LRRC69: variants seen among roughly 807,000 people sequenced by gnomAD.
LRRC69 encodes the protein leucine rich repeat containing 69, also known as leucine-rich repeat-containing protein 69.
In LRRC69, 42 loss-of-function variants were observed where a neutral mutation model predicts 37.8. That is an observed-to-expected ratio of 1.11 (90% CI 0.87 to 1.44). LRRC69 has a LOEUF of 1.44. Among genes scored for constraint, LRRC69 ranks in the 40% most tolerant of loss-of-function variants. LRRC69 has a pLI of 0.00. For synonymous variants in LRRC69, 141 were observed against 143.1 expected (o/e 0.99, Z 0.11); for missense variants, 357 against 401.9 (o/e 0.89, Z 0.96).
chr8:91,132,052 A>T (rs1472025460), intron 3 of LRRC69, among the ~76,000 whole-genome samples: 3 of 151,910 alleles, frequency 2.0e-5, no homozygotes, highest in African/African-American at 7.2e-5. Flanking sequence ...AATCCTCAAA[A>T]TTCCCTTTGC....
rs116471714 is a variant in LRRC69, at chr8:91,191,046, C to G, written c.753+1423C>G. ...AGAGCAGGATCCTGTCTCAAACCCCCCCCCCCCCAAGTCAAAAAGCAACAA... is the reference window on the plus strand; with the variant it reads ...AGAGCAGGATCCTGTCTCAAACCCCGCCCCCCCCAAGTCAAAAAGCAACAA... On this transcript the variant is annotated intron_variant, in intron 6 of 7. Coordinates refer to ENST00000448384, the Ensembl canonical transcript of LRRC69. Among the ~76,000 whole-genome samples, 60 of 142,572 alleles carry G rather than the reference C, an allele frequency of 4.2e-4. 2 individuals are homozygous for G. Among genetic ancestry groups the G allele is most frequent in the Admixed American group, 2.2e-3 (32 of 14,402 alleles). The allele number at this position is 142,572 out of a possible 152,430, so 93.5% of individuals were successfully genotyped here. A position where few individuals can be genotyped will look rare whatever the true frequency, so the allele number is the denominator to read the frequency against.
At chr8:91,196,921 C>T (rs980204035) in intron 6 of LRRC69, among the ~76,000 whole-genome samples, 44 of 152,050 alleles carry the variant, frequency 2.9e-4, no homozygotes, top group African/African-American at 7.2e-4. Flanking sequence ...AGGCGCTCTG[C>T]GTTTTAGAGT....
At chr8:91,148,898 T>G (rs1228066858) in intron 5 of LRRC69, among the ~76,000 whole-genome samples, 4 of 151,968 alleles carry the variant, frequency 2.6e-5, no homozygotes, top group Non-Finnish European at 4.4e-5. Context: ...GAAATGTCTG[T>G]TCATATCGTT....
intron 3 of LRRC69, among the ~76,000 whole-genome samples, chr8:91,131,911 C>G (rs965395514): frequency 2.0e-5 from 3 of 151,822 alleles, no homozygotes; most frequent in Non-Finnish European, 4.4e-5. Flanking sequence ...TTTTAATGGT[C>G]AGTTGTTTAT....
intron 5 of LRRC69, among the ~76,000 whole-genome samples, chr8:91,174,279 T>A (rs35029746): frequency 0.052 from 7,874 of 152,184 alleles, 275 homozygotes; most frequent in Middle Eastern, 0.16. Flanking sequence ...TATGAAAAGC[T>A]AAAAAACAGT....
chr8:91,206,632 A>T (rs1809809873), intron 7 of LRRC69: 1 of 1,261,326 alleles, frequency 7.9e-7, no homozygotes, highest in South Asian at 1.3e-5. Context: ...TTGTGCTCTG[A>T]CAGATTCCCT....
intron 5 of LRRC69, among the ~76,000 whole-genome samples, chr8:91,183,392 A>G (rs1809354961): frequency 6.6e-6 from 1 of 152,204 alleles, no homozygotes; most frequent in African/African-American, 2.4e-5. Flanking sequence ...AACATATTTA[A>G]GAGATATTTA....
chr8:91,198,085 A>G (rs147998697), intron 6 of LRRC69, among the ~76,000 whole-genome samples: 3 of 152,204 alleles, frequency 2.0e-5, no homozygotes, highest in Non-Finnish European at 2.9e-5. Flanking sequence ...TCTAGGAACT[A>G]TGATATGGGT....
chr8:91,187,671 T>C (rs10087555), intron 5 of LRRC69, among the ~76,000 whole-genome samples: 97,095 of 151,368 alleles, frequency 0.64, 31,458 homozygotes, highest in Middle Eastern at 0.74. Flanking sequence ...TCTTCATTCA[T>C]ACTGATACCC....
At chr8:91,197,306 C>T (rs1809622699) in intron 6 of LRRC69, among the ~76,000 whole-genome samples, 1 of 152,238 alleles carries the variant, frequency 6.6e-6, no homozygotes, top group Non-Finnish European at 1.5e-5. Context: ...TTTGTCTGTG[C>T]CCTGCCCCCA....
rs1813692207 is a variant in LRRC69 at position 91,124,853 on chromosome 8, C to T, written c.310+234C>T. On this transcript the variant is annotated intron_variant, in intron 2 of 7. Coordinates refer to ENST00000448384, the Ensembl canonical transcript of LRRC69. ...GTAAGCATCAGTGTTAATGAATTTT[C>T]CTCTTTGTAGAATCAGTATAAAGTC... 1.4e-5 allele frequency: 5 copies of T among 364,074 alleles called. No individual in the cohort carries two copies. In the East Asian group the frequency reaches 3.3e-4, roughly 24 times the overall value. 22.6% of individuals were successfully genotyped at this position (364,074 alleles called of 1,614,324 possible).
intron 5 of LRRC69, among the ~76,000 whole-genome samples, chr8:91,171,651 G>A (rs1809134652): frequency 6.6e-6 from 1 of 151,952 alleles, no homozygotes; most frequent in Non-Finnish European, 1.5e-5. Context: ...AGTCTTTTGA[G>A]CAAGTATAGG....
intron 1 of LRRC69, among the ~76,000 whole-genome samples, chr8:91,105,186 AT>A (rs1813288447): frequency 6.6e-6 from 1 of 151,884 alleles, no homozygotes; most frequent in Admixed American, 6.6e-5. Flanking sequence ...CAATGGTATT[AT>A]GTTTAGCTGT....
At chr8:91,124,598 A>G in exon 2 of LRRC69, 2 of 1,540,080 alleles carry the variant, frequency 1.3e-6, no homozygotes, top group Non-Finnish European at 1.7e-6. Flanking sequence ...TAGGATCTGT[A>G]GATTTGCACC....
At chr8:91,139,556 G>A (rs1470978039) in intron 5 of LRRC69, among the ~76,000 whole-genome samples, 3 of 150,560 alleles carry the variant, frequency 2.0e-5, no homozygotes, top group Non-Finnish European at 2.9e-5. Flanking sequence ...GATTACAGGC[G>A]TATGTACAGG....
At chr8:91,206,627 C>A in intron 7 of LRRC69, 1 of 1,243,452 alleles carries the variant, frequency 8.0e-7, no homozygotes, top group Non-Finnish European at 1.1e-6. Context: ...TTTAATTGTG[C>A]TCTGACAGAT....
At chr8:91,167,783 C>T (rs1809055385) in intron 5 of LRRC69, among the ~76,000 whole-genome samples, 1 of 151,830 alleles carries the variant, frequency 6.6e-6, no homozygotes, top group South Asian at 2.1e-4. Flanking sequence ...GTCAGCACAC[C>T]AGTGATAGTA....
intron 5 of LRRC69, among the ~76,000 whole-genome samples, chr8:91,151,621 T>C (rs891495229): frequency 6.6e-6 from 1 of 151,810 alleles, no homozygotes; most frequent in Non-Finnish European, 1.5e-5. Flanking sequence ...CATGTATCTT[T>C]ATAATAGAAT....
chr8:91,114,577 T>C (rs931023936), intron 1 of LRRC69, among the ~76,000 whole-genome samples: 3 of 152,076 alleles, frequency 2.0e-5, no homozygotes, highest in Non-Finnish European at 2.9e-5. Flanking sequence ...GTACCTTTTC[T>C]ATGTTTAGAT....
Sources: gnomAD v4.1 joint callset for allele counts (sites outside exome capture counted in the v4.1 genomes callset) on GRCh38, gnomAD v4.1.1 for gene constraint, MANE v1.5 for transcripts, NCBI Gene and HGNC (gene_info 2026-07-23, HGNC 2026-07-21) for gene names.